The following CABYR variants were observed in gnomAD, a reference collection of about 807,000 sequenced individuals.
CABYR encodes calcium-binding tyrosine phosphorylation-regulated protein.
In CABYR, 31 loss-of-function variants were observed where a neutral mutation model predicts 36.1. That is an observed-to-expected ratio of 0.86 (90% confidence interval 0.64 to 1.16). The LOEUF (loss-of-function observed/expected upper bound fraction) is 1.16. CABYR is among the 50% of genes most tolerant of loss of function. The probability of loss-of-function intolerance (pLI) is 0.00; values close to 1 mark genes in which losing one functional copy is unlikely to be tolerated. For synonymous variants in CABYR, 146 were observed against 160.7 expected (o/e 0.91, Z 0.69); for missense variants, 429 against 455.8 (o/e 0.94, Z 0.53).
Position 24,159,839 on chromosome 18 carries a change from G to A in CABYR, c.909G>A (p.Glu303=), listed in dbSNP as rs1336452687. The change falls in exon 5 of 6, where the codon GAG becomes GAA. Residue 303 remains glutamate, a synonymous_variant. Coordinates refer to ENST00000399496, the MANE Select transcript of CABYR (RefSeq NM_153769.3). The part of the protein sequence containing the change: ...MQVPIAVPAD[E]KYQKHTLSPQ... ...TGCCCATTGCTGTTCCTGCAGATGAGAAATACCAGAAACATACCCTAAGTC... is the reference window on the plus strand; with the variant it reads ...TGCCCATTGCTGTTCCTGCAGATGAAAAATACCAGAAACATACCCTAAGTC... The A allele has an allele frequency of 1.2e-6, 2 of 1,614,134 alleles. No homozygotes were observed. The highest frequency in any genetic ancestry group is 2.2e-5 in the South Asian group (2 of 91,080).
At chr18:24,139,926 TTTA>T (rs1244855859) in intron 1 of CABYR, 1 of 150,810 alleles carries the variant, frequency 6.6e-6, no homozygotes, top group Non-Finnish European at 1.5e-5. Flanking sequence ...CACTTTCTTT[TTTA>T]TTCTTTTTTT....
chr18:24,161,408 GT>G, intron 5 of CABYR, 107 bp from the exon 6 acceptor site: 1 of 691,890 alleles, frequency 1.4e-6, no homozygotes, highest in East Asian at 2.6e-5. Flanking sequence ...GTTAAGCTTA[GT>G]AACAGAGCAG....
At chr18:24,149,611 C>T (rs2085559447) in intron 3 of CABYR, among the ~76,000 whole-genome samples, 1 of 152,236 alleles carries the variant, frequency 6.6e-6, no homozygotes. Context: ...GGGGGCGGTG[C>T]TCATCGGGGA....
Position 24,159,898 on chromosome 18 carries a change from T to A in CABYR, c.968T>A (p.Val323Asp). Residue 323 changes from valine to aspartate, a missense_variant, in exon 5 of 6, where the codon GTC becomes GAC. Coordinates refer to ENST00000399496, the MANE Select transcript of CABYR (RefSeq NM_153769.3). ...QNANPPSGQD[V>D]PRPKSPVFLS... ...GCTAATCCTCCAAGTGGACAAGATG[T>A]CCCCAGGCCAAAAAGCCCTGTTTTC... The A allele has an allele frequency of 6.2e-7, 1 of 1,614,080 alleles. No individual in the cohort carries two copies. Among genetic ancestry groups the A allele is most frequent in the Non-Finnish European group, 8.5e-7 (1 of 1,180,006 alleles).
intron 3 of CABYR, among the ~76,000 whole-genome samples, chr18:24,149,732 A>G (rs2085566726): frequency 6.6e-6 from 1 of 152,234 alleles, no homozygotes; most frequent in African/African-American, 2.4e-5. Flanking sequence ...CGAGAAATCA[A>G]GCACAGCGCC....
At chr18:24,144,593 C>T (rs2085414818) in intron 3 of CABYR, among the ~76,000 whole-genome samples, 1 of 151,780 alleles carries the variant, frequency 6.6e-6, no homozygotes, top group Non-Finnish European at 1.5e-5. Context: ...TAGTGAGACC[C>T]CCATCTCTAA....
chr18:24,159,840 A>G lies in CABYR; in HGVS notation c.910A>G (p.Lys304Glu), dbSNP rs2085902066. ...QVPIAVPADE[K>E]YQKHTLSPQN... ...GCCCATTGCTGTTCCTGCAGATGAG[A>G]AATACCAGAAACATACCCTAAGTCC... Residue 304 changes from lysine to glutamate, a missense_variant, in exon 5 of 6, where the codon AAA becomes GAA. Transcript: ENST00000399496. 2 of 1,614,130 alleles carry G rather than the reference A, an allele frequency of 1.2e-6. No homozygotes were observed. Among genetic ancestry groups the G allele is most frequent in the Non-Finnish European group, 1.7e-6 (2 of 1,180,018 alleles).
At chr18:24,149,778 T>G (rs1312931418) in intron 3 of CABYR, among the ~76,000 whole-genome samples, 2 of 152,228 alleles carry the variant, frequency 1.3e-5, no homozygotes, top group African/African-American at 4.8e-5. Flanking sequence ...CAGTACACCC[T>G]ATGCAGCCAC....
intron 3 of CABYR, 72 bp downstream of exon 3, chr18:24,143,485 C>A: frequency 1.3e-6 from 1 of 781,580 alleles, no homozygotes; most frequent in South Asian, 2.3e-5. Flanking sequence ...AGCATATATT[C>A]AAACTTAAGA....
chr18:24,156,266 A>G (rs747870204), intron 4 of CABYR: 1 of 1,614,160 alleles, frequency 6.2e-7, no homozygotes, highest in South Asian at 1.1e-5. Flanking sequence ...ATGAGGCTGA[A>G]CCATCAACGG....
intron 3 of CABYR, among the ~76,000 whole-genome samples, chr18:24,153,923 T>G (rs1387278317): frequency 6.6e-6 from 1 of 151,778 alleles, no homozygotes; most frequent in Non-Finnish European, 1.5e-5. Context: ...GCCAACATGG[T>G]GAAACCCTGT....
intron 1 of CABYR, chr18:24,139,815 CG>C (rs531462524): frequency 6.6e-6 from 1 of 152,172 alleles, no homozygotes; most frequent in Non-Finnish European, 1.5e-5. Flanking sequence ...ACTAGTGGGA[CG>C]GGGGATCATG....
chr18:24,155,673 A>G, intron 3 of CABYR, 28 bp from the exon 4 acceptor site: 1 of 1,487,670 alleles, frequency 6.7e-7, no homozygotes, highest in Non-Finnish European at 9.1e-7. Flanking sequence ...TTAGATGTTA[A>G]TTAACCCATC....
At chr18:24,156,797 G>A in intron 4 of CABYR, 1 of 1,614,116 alleles carries the variant, frequency 6.2e-7, no homozygotes, top group Non-Finnish European at 8.5e-7. Flanking sequence ...ACAATACTGG[G>A]CAGGAGGAGT....
At chr18:24,156,494 G>A in intron 4 of CABYR, 1 of 1,613,666 alleles carries the variant, frequency 6.2e-7, no homozygotes, top group South Asian at 1.1e-5. Flanking sequence ...AAGAAAATGA[G>A]CAGTCAAAAG....
chr18:24,158,914 C>A (rs569836638), intron 4 of CABYR, among the ~76,000 whole-genome samples: 2 of 152,204 alleles, frequency 1.3e-5, no homozygotes, highest in South Asian at 4.2e-4. Context: ...CAAGTCTTGC[C>A]TAAAAGGGGT....
chr18:24,156,586 CTG>C, intron 4 of CABYR: 1 of 1,614,178 alleles, frequency 6.2e-7, no homozygotes, highest in East Asian at 2.2e-5. Flanking sequence ...TCTGTAGAGT[CTG>C]TAAAACTTGC....
At chr18:24,143,834 CATAGTT>C (rs1240610941) in intron 3 of CABYR, among the ~76,000 whole-genome samples, 5 of 151,902 alleles carry the variant, frequency 3.3e-5, no homozygotes, top group African/African-American at 1.2e-4. Flanking sequence ...AATTGGATTT[CATAGTT>C]ATAAAGACTC....
chr18:24,161,479 A>ACTT, intron 5 of CABYR, 37 bp from the exon 6 acceptor site: 1 of 779,328 alleles, frequency 1.3e-6, no homozygotes, highest in Non-Finnish European at 2.4e-6. Flanking sequence ...TTCATGTTTA[A>ACTT]CTTTAAACAA....
Sources: allele counts gnomAD v4.1 joint callset (sites outside exome capture counted in the v4.1 genomes callset), GRCh38; gene constraint gnomAD v4.1.1; transcripts MANE v1.5; gene names NCBI Gene and HGNC (gene_info 2026-07-23, HGNC 2026-07-21).